BAZ2B: variants seen among roughly 807,000 people sequenced by gnomAD.
The protein encoded by BAZ2B is bromodomain adjacent to zinc finger domain 2B.
A neutral mutation model predicts 246.0 loss-of-function variants in BAZ2B; 91 were observed. The observed-to-expected ratio is 0.37, with a 90% confidence interval of 0.31 to 0.44. The LOEUF (loss-of-function observed/expected upper bound fraction) is 0.44, where lower values mean the gene tolerates loss of function less well. Ranked by LOEUF, BAZ2B falls within the 20% of genes least tolerant of loss-of-function variation. The pLI is 1.00. For missense variants in BAZ2B, 2,332 were observed against 2,533.7 expected (o/e 0.92, Z 1.71); for synonymous variants, 855 against 860.0 (o/e 0.99, Z 0.10).
intron 2 of BAZ2B, among the ~76,000 whole-genome samples, chr2:159,514,225 T>G (rs1376733734): frequency 6.6e-6 from 1 of 152,168 alleles, no homozygotes; most frequent in South Asian, 2.1e-4. Context: ...CCTTTGAAAG[T>G]TTCATTTGCT....
Position 159,349,162 on chromosome 2 carries a change from G to A in BAZ2B, c.4982C>T (p.Ser1661Leu). 6.2e-7 allele frequency: 1 copy of A among 1,614,020 alleles called. No homozygotes were observed. Among genetic ancestry groups the A allele is most frequent in the African/African-American group, 1.3e-5 (1 of 75,010 alleles). The change falls in exon 29 of 37, where the codon TCA (serine) becomes TTA (leucine). Residue 1661 changes from serine (S) to leucine (L), a missense_variant. By Grantham distance (145) the Ser-to-Leu change is moderately radical. This residue lies in a region of BAZ2B where 676 missense variants were observed against 668.6 expected (regional missense o/e 1.01). Transcript: ENST00000392783. ...CAAGAATGAATTACCATTTCCTTCTGATAACCCTAACCCCGATCCTAGACT... is the reference window on the plus strand; with the variant it reads ...CAAGAATGAATTACCATTTCCTTCTAATAACCCTAACCCCGATCCTAGACT... ...VPSLGSGLGLSEGNGNSFLTS... is the reference protein window; with the variant it reads ...VPSLGSGLGLLEGNGNSFLTS...
chr2:159,549,127 A>G (rs991634433), intron 2 of BAZ2B, among the ~76,000 whole-genome samples: 9 of 152,106 alleles, frequency 5.9e-5, no homozygotes, highest in African/African-American at 1.9e-4. Flanking sequence ...CTAAAAATAG[A>G]AAAATTAGCC....
At chr2:159,548,007 C>T (rs987137138) in intron 2 of BAZ2B, among the ~76,000 whole-genome samples, 1 of 152,086 alleles carries the variant, frequency 6.6e-6, no homozygotes, top group African/African-American at 2.4e-5. Context: ...TAAAACAGTA[C>T]AACTTCTGAG....
chr2:159,693,253 G>A, the BAZ2B span: 4 of 151,984 alleles, frequency 2.6e-5, no homozygotes, highest in East Asian at 1.9e-4. Context: ...ACCAGTTTAC[G>A]GAGCATTGAG....
the BAZ2B span, among the ~76,000 whole-genome samples, chr2:159,639,719 T>C: frequency 6.6e-6 from 1 of 151,216 alleles, no homozygotes; most frequent in East Asian, 1.9e-4. Context: ...AGAAATTAAA[T>C]CATACCACTA....
chr2:159,530,064 T>C (rs991399956), intron 2 of BAZ2B, among the ~76,000 whole-genome samples: 10 of 152,220 alleles, frequency 6.6e-5, no homozygotes, highest in African/African-American at 2.4e-4. Flanking sequence ...AATTGCTACA[T>C]AATTATATCT....
At chr2:159,327,706 T>C (rs919811605) in intron 34 of BAZ2B, among the ~76,000 whole-genome samples, 7 of 152,200 alleles carry the variant, frequency 4.6e-5, no homozygotes, top group Non-Finnish European at 8.8e-5. Context: ...AAACATTTAG[T>C]TTCTATTTGA....
chr2:159,449,080 GT>G (rs1559463282), intron 4 of BAZ2B, among the ~76,000 whole-genome samples: 1 of 151,984 alleles, frequency 6.6e-6, no homozygotes, highest in Non-Finnish European at 1.5e-5. Context: ...CCTGAATTTT[GT>G]TTTTACTTCC....
chr2:159,532,745 A>G (rs2085506099), intron 2 of BAZ2B, among the ~76,000 whole-genome samples: 5 of 152,272 alleles, frequency 3.3e-5, no homozygotes, highest in East Asian at 1.9e-4. Context: ...ACTCTCTGAT[A>G]AAAGGATTCT....
intron 2 of BAZ2B, among the ~76,000 whole-genome samples, chr2:159,504,973 G>T (rs2082182977): frequency 1.3e-5 from 2 of 152,244 alleles, no homozygotes; most frequent in South Asian, 4.1e-4. Context: ...TTAGATGATA[G>T]AACTTAATTT....
At chr2:159,428,194 A>G (rs1576916206) in intron 12 of BAZ2B, 117 bp downstream of exon 12, 2 of 1,091,346 alleles carry the variant, frequency 1.8e-6, no homozygotes, top group East Asian at 4.8e-5. Context: ...CAATAGTCCC[A>G]TACAAGAGAA....
At chr2:159,673,252 T>G in the BAZ2B span, among the ~76,000 whole-genome samples, 2 of 152,126 alleles carry the variant, frequency 1.3e-5, no homozygotes, top group Non-Finnish European at 2.9e-5. Flanking sequence ...CTTAAACATA[T>G]GAAAATACAT....
At chr2:159,537,764 G>A (rs1313763630) in intron 2 of BAZ2B, among the ~76,000 whole-genome samples, 1 of 151,968 alleles carries the variant, frequency 6.6e-6, no homozygotes, top group Non-Finnish European at 1.5e-5. Context: ...GAATTTTGTT[G>A]GTATTCATTC....
At chr2:159,332,820 TAC>T (rs1262939661) in intron 33 of BAZ2B, 134 bp from the exon 34 acceptor site, 1 of 1,007,670 alleles carries the variant, frequency 9.9e-7, no homozygotes, top group Non-Finnish European at 1.4e-6. Context: ...ACAGTAGCCA[TAC>T]ACATCTATGT....
chr2:159,637,430 T>C, the BAZ2B span, among the ~76,000 whole-genome samples: 53 of 152,194 alleles, frequency 3.5e-4, no homozygotes, highest in African/African-American at 1.2e-3. Flanking sequence ...CCATGGACTG[T>C]TGGTGGTGCT....
chr2:159,619,919 A>G (rs1696364050), upstream of BAZ2B, among the ~76,000 whole-genome samples: 2 of 152,182 alleles, frequency 1.3e-5, no homozygotes, highest in Non-Finnish European at 2.9e-5. Context: ...CATCATCTGT[A>G]TTAGTGCTTC....
chr2:159,423,453 A>G (rs1215776540), intron 13 of BAZ2B, among the ~76,000 whole-genome samples: 4 of 152,244 alleles, frequency 2.6e-5, no homozygotes, highest in African/African-American at 9.6e-5. Context: ...TGGAAAGGCA[A>G]TGTGGAGATT....
At chr2:159,658,075 G>A in the BAZ2B span, among the ~76,000 whole-genome samples, 3 of 152,166 alleles carry the variant, frequency 2.0e-5, no homozygotes, top group African/African-American at 7.2e-5. Flanking sequence ...CTCTGTTGAT[G>A]TCTTTTATCA....
chr2:159,348,492 A>G (rs2058213544), intron 30 of BAZ2B, among the ~76,000 whole-genome samples, 186 bp downstream of exon 30: 1 of 152,118 alleles, frequency 6.6e-6, no homozygotes, highest in African/African-American at 2.4e-5. Flanking sequence ...AAGAAAAAAA[A>G]GCCTGTATAT....
Sources: gnomAD v4.1 joint callset for allele counts (sites outside exome capture counted in the v4.1 genomes callset) on GRCh38, gnomAD v4.1.1 for gene constraint, gnomAD v4.1.1 regional missense constraint, MANE v1.5 for transcripts, NCBI Gene and HGNC (gene_info 2026-07-23, HGNC 2026-07-21) for gene names.